Variants in C1orf87 observed in about 807,000 individuals in gnomAD.
C1orf87 encodes the protein uncharacterized protein C1orf87.
C1orf87 carries 58 observed loss-of-function variants against 60.5 expected under a neutral mutation model. That is an observed-to-expected ratio of 0.96 (90% confidence interval 0.78 to 1.19). C1orf87 has a LOEUF of 1.19. Among genes scored for constraint, C1orf87 ranks in the 50% most tolerant of loss-of-function variants. The pLI is 0.00. For synonymous variants in C1orf87, 236 were observed against 227.4 expected, an observed-to-expected ratio of 1.04 and a Z score of -0.34; for missense variants, 673 against 638.6, an observed-to-expected ratio of 1.05 and a Z score of -0.58.
chr1:59,995,921 C>T (rs1644960429), intron 11 of C1orf87, among the ~76,000 whole-genome samples: 1 of 152,198 alleles, frequency 6.6e-6, no homozygotes, highest in African/African-American at 2.4e-5. Flanking sequence ...TAAAGGTAAG[C>T]TCCTTGAGGC....
intron 6 of C1orf87, among the ~76,000 whole-genome samples, chr1:60,037,749 A>G (rs1645287990): frequency 1.3e-5 from 2 of 152,246 alleles, no homozygotes; most frequent in Admixed American, 6.5e-5. Flanking sequence ...CCAGCAAGCC[A>G]GCTTGCTCTC....
chr1:60,025,128 C>T (rs915221757), intron 8 of C1orf87, among the ~76,000 whole-genome samples: 2 of 152,156 alleles, frequency 1.3e-5, no homozygotes, highest in African/African-American at 4.8e-5. Context: ...GTGCTGGCAC[C>T]TTAAGTTCTT....
At position 60,018,698 on chromosome 1, in the gene C1orf87, C is replaced by A. The variant is rs1295274187; in HGVS notation, c.1127+6703G>T. On this transcript the variant is annotated intron_variant, in intron 8 of 11. Coordinates refer to ENST00000371201, the MANE Select transcript of C1orf87 (RefSeq NM_152377.3). ...ATTTCCAGCTTAACCACACCTCTCGCCTTCATCCAACCACCCCCAAGGTTT... is the reference window on the plus strand; with the variant it reads ...ATTTCCAGCTTAACCACACCTCTCGACTTCATCCAACCACCCCCAAGGTTT... Among the ~76,000 whole-genome samples, 5 of 152,184 alleles carry A rather than the reference C, an allele frequency of 3.3e-5. No homozygotes were observed. In the East Asian group the frequency reaches 9.6e-4, roughly 29 times the overall value.
chr1:60,043,330 T>A (rs559109255), intron 3 of C1orf87, among the ~76,000 whole-genome samples: 1 of 152,296 alleles, frequency 6.6e-6, no homozygotes, highest in East Asian at 1.9e-4. Flanking sequence ...TGAATCCTGC[T>A]TTTCCCAATT....
chr1:60,037,823 A>G (rs776730501), intron 6 of C1orf87, among the ~76,000 whole-genome samples, 169 bp downstream of exon 6: 11 of 152,186 alleles, frequency 7.2e-5, no homozygotes, highest in African/African-American at 9.7e-5. Flanking sequence ...CCCTCCCAGA[A>G]CTCAACCATG....
intron 3 of C1orf87, among the ~76,000 whole-genome samples, chr1:60,045,376 TG>T (rs1222394088): frequency 8.5e-5 from 13 of 152,222 alleles, no homozygotes; most frequent in Non-Finnish European, 7.3e-5. Flanking sequence ...TGATTTTAAA[TG>T]TGCTTTAAAC....
At chr1:60,061,831 G>T (rs948824407) in intron 2 of C1orf87, among the ~76,000 whole-genome samples, 4 of 144,988 alleles carry the variant, frequency 2.8e-5, no homozygotes, top group African/African-American at 1.0e-4. Flanking sequence ...CACACCTGTA[G>T]TTCCAGCTAC....
intron 1 of C1orf87, among the ~76,000 whole-genome samples, chr1:60,072,895 A>G (rs746472151): frequency 6.6e-6 from 1 of 152,172 alleles, no homozygotes; most frequent in Non-Finnish European, 1.5e-5. Context: ...TGACTTACTC[A>G]CATCACATCA....
chr1:60,016,614 A>G (rs1028463457), intron 8 of C1orf87, among the ~76,000 whole-genome samples: 1 of 152,186 alleles, frequency 6.6e-6, no homozygotes, highest in African/African-American at 2.4e-5. Context: ...TTACTTATCC[A>G]GGCTCCAAAC....
intron 3 of C1orf87, among the ~76,000 whole-genome samples, chr1:60,043,315 A>C (rs868787855): frequency 6.6e-6 from 1 of 152,186 alleles, no homozygotes; most frequent in Non-Finnish European, 1.5e-5. Flanking sequence ...AATTGTGCAG[A>C]TATTTGAATC....
intron 3 of C1orf87, among the ~76,000 whole-genome samples, chr1:60,042,632 C>A (rs1292915768): frequency 1.5e-5 from 2 of 133,740 alleles, no homozygotes; most frequent in Non-Finnish European, 3.1e-5. Flanking sequence ...ACATGGGTGT[C>A]CTGCTCATGT....
At chr1:60,016,347 T>G (rs1645124298) in intron 8 of C1orf87, among the ~76,000 whole-genome samples, 1 of 152,182 alleles carries the variant, frequency 6.6e-6, no homozygotes, top group Non-Finnish European at 1.5e-5. Context: ...TATGCATTAA[T>G]TCTTTATCCA....
intron 8 of C1orf87, among the ~76,000 whole-genome samples, chr1:60,016,011 A>G (rs1645122016): frequency 6.6e-6 from 1 of 152,156 alleles, no homozygotes; most frequent in Admixed American, 6.5e-5. Context: ...TCGGCCTCCC[A>G]AAGTGTTGGG....
intron 8 of C1orf87, 99 bp downstream of exon 8, chr1:60,025,302 T>C: frequency 1.1e-6 from 1 of 925,412 alleles, no homozygotes; most frequent in Non-Finnish European, 1.7e-6. Flanking sequence ...CCCAAACCAG[T>C]CTCCAAAAAC....
At chr1:59,998,347 G>A (rs1409414879) in intron 10 of C1orf87, among the ~76,000 whole-genome samples, 3 of 152,198 alleles carry the variant, frequency 2.0e-5, no homozygotes, top group Non-Finnish European at 4.4e-5. Context: ...GAAAGTACAA[G>A]TGGTTTACTA....
In C1orf87 at chr1:60,010,425, C is replaced by G. The variant is rs767784032; in HGVS notation, c.1159G>C (p.Ala387Pro). 5 of 1,612,488 alleles carry G rather than the reference C, an allele frequency of 3.1e-6. No homozygotes were observed. In the South Asian group the frequency reaches 5.5e-5, roughly 18 times the overall value. ...AAATCAGATAACAAATCAGAAGAAG[C>G]TCTGGTCAGCATCTCAACAAAATTC... ...WQNFVEMLTR[A>P]SSDLLSDLPT... Residue 387 changes from alanine (A) to proline (P), a missense_variant, in exon 9 of 12, where the codon GCT becomes CCT. Transcript: ENST00000371201.
intron 2 of C1orf87, among the ~76,000 whole-genome samples, chr1:60,060,545 T>A (rs1225229493): frequency 6.6e-6 from 1 of 152,106 alleles, no homozygotes; most frequent in Non-Finnish European, 1.5e-5. Flanking sequence ...CAGACAAAAC[T>A]AAAGTTCAAA....
chr1:60,046,341 C>T (rs940515803), intron 3 of C1orf87, among the ~76,000 whole-genome samples: 1 of 134,262 alleles, frequency 7.4e-6, no homozygotes, highest in Admixed American at 7.6e-5. Flanking sequence ...TCCCTCCTTC[C>T]TTCCTTTCTT....
At chr1:60,061,231 G>T (rs1352947410) in intron 2 of C1orf87, among the ~76,000 whole-genome samples, 3 of 152,094 alleles carry the variant, frequency 2.0e-5, no homozygotes, top group African/African-American at 4.8e-5. Context: ...ATATAAATTT[G>T]TTATCTCAAA....
Sources: allele counts gnomAD v4.1 joint callset (sites outside exome capture counted in the v4.1 genomes callset), GRCh38; gene constraint gnomAD v4.1.1; transcripts MANE v1.5; gene names NCBI Gene and HGNC (gene_info 2026-07-23, HGNC 2026-07-21).